The following FER variants were observed in gnomAD, a reference collection of about 807,000 sequenced individuals.
FER encodes FER tyrosine kinase, also known as tyrosine-protein kinase Fer.
A neutral mutation model predicts 111.0 loss-of-function variants in FER; 63 were observed. The ratio of observed to expected loss-of-function variants is 0.57; its 90% confidence interval spans 0.46 to 0.70. The LOEUF is 0.70. FER is among the 30% of genes least tolerant of loss of function. The probability of loss-of-function intolerance (pLI) is 0.00; values close to 1 mark genes in which losing one functional copy is unlikely to be tolerated. For synonymous variants in FER, 327 were observed against 313.9 expected (o/e 1.04, Z -0.44); for missense variants, 914 against 954.0 (o/e 0.96, Z 0.55).
At chr5:108,919,606 A>G (rs1752766220) in intron 10 of FER, among the ~76,000 whole-genome samples, 1 of 152,168 alleles carries the variant, frequency 6.6e-6, no homozygotes, top group Non-Finnish European at 1.5e-5. Flanking sequence ...TAGATATATA[A>G]CATACTTTAT....
At chr5:108,832,094 T>C (rs1214377495) in intron 3 of FER, among the ~76,000 whole-genome samples, 1 of 152,126 alleles carries the variant, frequency 6.6e-6, no homozygotes, top group East Asian at 1.9e-4. Flanking sequence ...ATTGAGGCAG[T>C]GTGTTGTGCC....
chr5:108,999,629 AAT>A (rs1351629285), intron 13 of FER, among the ~76,000 whole-genome samples: 1 of 152,022 alleles, frequency 6.6e-6, no homozygotes, highest in Non-Finnish European at 1.5e-5. Flanking sequence ...GGTGCTTCCC[AAT>A]ATGTTTGTAC....
At chr5:109,019,106 C>G (rs1767586781) in intron 13 of FER, among the ~76,000 whole-genome samples, 1 of 151,370 alleles carries the variant, frequency 6.6e-6, no homozygotes. Flanking sequence ...GTATCATAGA[C>G]AGCTTCAAAA....
chr5:108,975,639 T>G (rs1761236930), intron 13 of FER, among the ~76,000 whole-genome samples: 1 of 151,476 alleles, frequency 6.6e-6, no homozygotes, highest in South Asian at 2.1e-4. Flanking sequence ...TAATTATGGC[T>G]TCATCTTGGA....
At chr5:108,887,854 T>A (rs1371555510) in intron 9 of FER, among the ~76,000 whole-genome samples, 1 of 151,818 alleles carries the variant, frequency 6.6e-6, no homozygotes. Flanking sequence ...CATATGTCAT[T>A]TATGACTTGG....
chr5:108,960,299 T>C (rs1002933397), intron 13 of FER, among the ~76,000 whole-genome samples: 1 of 152,134 alleles, frequency 6.6e-6, no homozygotes, highest in Non-Finnish European at 1.5e-5. Context: ...ATTTGTACTT[T>C]TATTGTACTA....
chr5:108,897,962 G>C (rs1178943835), intron 10 of FER, 114 bp downstream of exon 10: 15 of 975,010 alleles, frequency 1.5e-5, no homozygotes, highest in Non-Finnish European at 2.2e-5. Flanking sequence ...TTAATATGCA[G>C]GTCCTATTAA....
chr5:108,856,812 G>C (rs1176638566), intron 5 of FER, among the ~76,000 whole-genome samples: 1 of 151,926 alleles, frequency 6.6e-6, no homozygotes, highest in East Asian at 1.9e-4. Flanking sequence ...ACGTGTAGTG[G>C]AAACATACCT....
At chr5:109,147,774 C>G (rs1376929026) in intron 17 of FER, among the ~76,000 whole-genome samples, 5 of 126,484 alleles carry the variant, frequency 4.0e-5, no homozygotes, top group African/African-American at 1.6e-4. Flanking sequence ...CACACACACA[C>G]ACATACATAT....
intron 16 of FER, among the ~76,000 whole-genome samples, chr5:109,069,101 C>A (rs1298369426): frequency 1.3e-5 from 2 of 151,630 alleles, no homozygotes; most frequent in African/African-American, 2.4e-5. Context: ...ATGTGTAGAT[C>A]AGTAAACTTT....
intron 13 of FER, among the ~76,000 whole-genome samples, chr5:108,977,642 A>G (rs1227700798): frequency 2.0e-5 from 3 of 152,150 alleles, no homozygotes; most frequent in African/African-American, 7.2e-5. Flanking sequence ...TGTTAACACT[A>G]TCCATTCTAT....
chr5:109,103,043 GT>G (rs1561897974), intron 17 of FER, among the ~76,000 whole-genome samples: 3 of 152,012 alleles, frequency 2.0e-5, no homozygotes, highest in Admixed American at 6.6e-5. Context: ...ACAGTGAACA[GT>G]TTTTTCCTCA....
At chr5:109,020,034 G>T (rs1767720500) in intron 13 of FER, among the ~76,000 whole-genome samples, 1 of 151,886 alleles carries the variant, frequency 6.6e-6, no homozygotes, top group South Asian at 2.1e-4. Context: ...GCTTTGCAGT[G>T]CAACTGTTTT....
intron 1 of FER, among the ~76,000 whole-genome samples, chr5:108,761,553 G>A (rs560331984): frequency 6.6e-6 from 1 of 152,234 alleles, no homozygotes; most frequent in South Asian, 2.1e-4. Context: ...GACCATAAAA[G>A]ATAATAATGA....
At chr5:108,919,588 C>T (rs1752763430) in intron 10 of FER, among the ~76,000 whole-genome samples, 1 of 152,112 alleles carries the variant, frequency 6.6e-6, no homozygotes, top group Non-Finnish European at 1.5e-5. Flanking sequence ...GTGTGCTAAA[C>T]AGTATGCTAG....
At chr5:109,051,724 G>A in intron 16 of FER, 1 of 1,567,910 alleles carries the variant, frequency 6.4e-7, no homozygotes, top group Non-Finnish European at 8.8e-7. Flanking sequence ...CGCATGGTAA[G>A]GGTCGCTCTT....
chr5:109,127,174 G>C (rs1463463080), intron 17 of FER, among the ~76,000 whole-genome samples: 2 of 152,026 alleles, frequency 1.3e-5, no homozygotes, highest in East Asian at 3.9e-4. Context: ...TCAATATAGA[G>C]TTACTCTGGG....
At chr5:108,787,344 G>A (rs1754856598) in intron 2 of FER, among the ~76,000 whole-genome samples, 2 of 152,234 alleles carry the variant, frequency 1.3e-5, no homozygotes, top group Admixed American at 6.5e-5. Flanking sequence ...GCTGAGGGCA[G>A]CTTGGCACCA....
chr5:109,186,103 T>C, intron 18 of FER, 97 bp from the exon 19 acceptor site: 1 of 1,529,338 alleles, frequency 6.5e-7, no homozygotes, highest in Non-Finnish European at 9.0e-7. Context: ...CAAACATCAT[T>C]ATGTGGTGCA....
Sources: allele counts gnomAD v4.1 joint callset (sites outside exome capture counted in the v4.1 genomes callset), GRCh38; gene constraint gnomAD v4.1.1; transcripts MANE v1.5; gene names NCBI Gene and HGNC (gene_info 2026-07-23, HGNC 2026-07-21).